GRIN2B: variants seen among roughly 807,000 people sequenced by gnomAD.
GRIN2B encodes the protein glutamate ionotropic receptor NMDA type subunit 2B, also known as glutamate receptor ionotropic, NMDA 2B.
GRIN2B carries 5 observed loss-of-function variants against 114.5 expected under a neutral mutation model. That is an observed-to-expected ratio of 0.04 (90% CI 0.02 to 0.09). The LOEUF is 0.09. GRIN2B is among the 10% of genes least tolerant of loss of function. The pLI is 1.00. For missense variants in GRIN2B, 1,108 were observed against 1,943.5 expected, an observed-to-expected ratio of 0.57 and a Z score of 8.08; for synonymous variants, 787 against 745.1, an observed-to-expected ratio of 1.06 and a Z score of -0.92.
chr12:13,566,634 G>A (rs1352175223), intron 13 of GRIN2B, among the ~76,000 whole-genome samples: 1 of 152,220 alleles, frequency 6.6e-6, no homozygotes, highest in Non-Finnish European at 1.5e-5. Context: ...TAAAATAAGA[G>A]AGATATGTTA....
intron 3 of GRIN2B, among the ~76,000 whole-genome samples, chr12:13,758,614 A>G (rs1591715307): frequency 6.6e-6 from 1 of 152,334 alleles, no homozygotes; most frequent in Admixed American, 6.5e-5. Flanking sequence ...TTCAAACAAG[A>G]GCTGGATTAT....
intron 4 of GRIN2B, among the ~76,000 whole-genome samples, chr12:13,732,486 G>C (rs1863100955): frequency 6.6e-6 from 1 of 152,174 alleles, no homozygotes; most frequent in African/African-American, 2.4e-5. Context: ...TCCAGGTCAA[G>C]TGTCACTCCA....
chr12:13,637,060 A>G (rs7294947), intron 5 of GRIN2B, among the ~76,000 whole-genome samples: 51,766 of 151,994 alleles, frequency 0.34, 9,280 homozygotes, highest in Middle Eastern at 0.47. Context: ...CTCAGTAGAA[A>G]TATTAATGAG....
intron 2 of GRIN2B, among the ~76,000 whole-genome samples, chr12:13,967,883 GT>G (rs1565604108): frequency 6.6e-6 from 1 of 152,180 alleles, no homozygotes; most frequent in African/African-American, 2.4e-5. Context: ...AAGGCCTGGA[GT>G]GTAAATCAGC....
In GRIN2B at chr12:13,559,622, C is replaced by T. The variant is rs1558767; in HGVS notation, c.*3161G>A. ...AGGGAATCATCTCACCACTGAGTTT[C>T]TAGTGGATCCCATCATCTTTTCTAG... On this transcript the variant is annotated 3_prime_UTR_variant, in exon 14 of 14. Coordinates refer to ENST00000609686, the MANE Select transcript of GRIN2B (RefSeq NM_000834.5). 0.98 allele frequency: 149,287 copies of T among 152,328 alleles called. 73,228 individuals carry two copies. Among genetic ancestry groups the T allele is most frequent in the Middle Eastern group, 1 (294 of 294 alleles). The allele number at this position is 152,328 out of a possible 1,614,324, so 9.4% of individuals were successfully genotyped here.
intron 10 of GRIN2B, among the ~76,000 whole-genome samples, chr12:13,593,386 C>T (rs2136444221): frequency 6.6e-6 from 1 of 152,216 alleles, no homozygotes; most frequent in South Asian, 2.1e-4. Context: ...TCAGAAATAA[C>T]ACCACACATC....
intron 5 of GRIN2B, among the ~76,000 whole-genome samples, chr12:13,621,614 T>TTTG (rs1949516244): frequency 2.8e-5 from 1 of 35,154 alleles, no homozygotes; most frequent in South Asian, 1.1e-3. Context: ...CTAGTTTTTG[T>TTTG]TTTTTTTTTT....
chr12:13,848,598 A>G (rs1381274854), intron 3 of GRIN2B, among the ~76,000 whole-genome samples: 2 of 152,160 alleles, frequency 1.3e-5, no homozygotes, highest in East Asian at 3.8e-4. Context: ...CAAGATCAAG[A>G]TCACAAAGTG....
intron 5 of GRIN2B, among the ~76,000 whole-genome samples, chr12:13,666,801 G>A (rs1057037471): frequency 6.6e-6 from 1 of 152,040 alleles, no homozygotes; most frequent in African/African-American, 2.4e-5. Context: ...TAAGATCTTC[G>A]GGTGCTAGAT....
chr12:13,740,101 C>T (rs1427075204), intron 4 of GRIN2B, among the ~76,000 whole-genome samples: 2 of 152,182 alleles, frequency 1.3e-5, no homozygotes, highest in African/African-American at 4.8e-5. Flanking sequence ...GAACTCCACT[C>T]TCTTAGTCTC....
chr12:13,690,367 TCTCTCTCACA>T (rs1950206511), intron 4 of GRIN2B, among the ~76,000 whole-genome samples: 1 of 58,670 alleles, frequency 1.7e-5, no homozygotes, highest in Non-Finnish European at 4.0e-5. Context: ...TCTCTCTCTC[TCTCTCTCACA>T]CACACACACA....
chr12:13,950,314 A>G (rs1867458313), intron 2 of GRIN2B, among the ~76,000 whole-genome samples: 3 of 152,328 alleles, frequency 2.0e-5, no homozygotes, highest in South Asian at 2.1e-4. Flanking sequence ...CTCAGCCCCA[A>G]AGGACTGTAG....
intron 2 of GRIN2B, among the ~76,000 whole-genome samples, chr12:13,902,450 C>A (rs567708181): frequency 6.6e-6 from 1 of 151,892 alleles, no homozygotes; most frequent in Non-Finnish European, 1.5e-5. Context: ...AAAAATGAAC[C>A]AAAAAAACAA....
chr12:13,776,406 C>T (rs1483944979), intron 3 of GRIN2B, among the ~76,000 whole-genome samples: 1 of 151,974 alleles, frequency 6.6e-6, no homozygotes, highest in Non-Finnish European at 1.5e-5. Context: ...GCACATGTAC[C>T]CTTGAACTTA....
chr12:13,746,071 G>C (rs1468818), intron 4 of GRIN2B, among the ~76,000 whole-genome samples: 4 of 146,694 alleles, frequency 2.7e-5, no homozygotes, highest in Non-Finnish European at 4.7e-5. Flanking sequence ...TCAGATATGT[G>C]CTATGTCAAA....
intron 5 of GRIN2B, among the ~76,000 whole-genome samples, chr12:13,656,932 T>C (rs1482308353): frequency 6.6e-6 from 1 of 152,042 alleles, no homozygotes; most frequent in Non-Finnish European, 1.5e-5. Context: ...ACCCACTAGA[T>C]GGATGGCAAA....
intron 2 of GRIN2B, among the ~76,000 whole-genome samples, chr12:13,934,014 C>A (rs752357807): frequency 6.6e-6 from 1 of 152,180 alleles, no homozygotes; most frequent in Non-Finnish European, 1.5e-5. Flanking sequence ...AGTCCTACCA[C>A]TTGAGGAGAC....
rs1948269147 is a variant in GRIN2B at position 13,540,877 on chromosome 12, G to A, written c.*21906C>T. 1 of 152,210 alleles carries A rather than the reference G, an allele frequency of 6.6e-6. No individual in the cohort carries two copies. Among genetic ancestry groups the A allele is most frequent in the Admixed American group, 6.5e-5 (1 of 15,280 alleles). The allele number at this position is 152,210 out of a possible 1,614,324, so 9.4% of individuals were successfully genotyped here. A position where few individuals can be genotyped will look rare whatever the true frequency, so the allele number is the denominator to read the frequency against. On this transcript the variant is annotated 3_prime_UTR_variant, in exon 14 of 14. Coordinates refer to ENST00000609686, the MANE Select transcript of GRIN2B (RefSeq NM_000834.5). ...CAAGCCTGAGTCGTCGGTGCTCCCT[G>A]GAGAGGACATCACACAGGAAAGCTA...
chr12:13,857,593 C>T (rs935602278), intron 3 of GRIN2B, among the ~76,000 whole-genome samples: 9 of 152,286 alleles, frequency 5.9e-5, no homozygotes, highest in East Asian at 1.9e-4. Context: ...GAGGGTTTGG[C>T]GTGAGACAAG....
Sources: gnomAD v4.1 joint callset for allele counts (sites outside exome capture counted in the v4.1 genomes callset) on GRCh38, gnomAD v4.1.1 for gene constraint, MANE v1.5 for transcripts, NCBI Gene and HGNC (gene_info 2026-07-23, HGNC 2026-07-21) for gene names.